The following MEGF11 variants were observed in gnomAD, a reference collection of about 807,000 sequenced individuals.
The protein encoded by MEGF11 is multiple epidermal growth factor-like domains protein 11.
Under a neutral mutation model 146.6 loss-of-function variants are expected in MEGF11, and 126 were observed. The observed-to-expected ratio is 0.86, with a 90% CI of 0.74 to 1.00. The LOEUF is 1.00. Ranked by LOEUF, MEGF11 falls within the 50% of genes least tolerant of loss-of-function variation. The pLI, the probability that MEGF11 is intolerant of heterozygous loss-of-function variation, is 0.00. For missense variants in MEGF11, 1,509 were observed against 1,521.2 expected, an observed-to-expected ratio of 0.99 and a Z score of 0.13; for synonymous variants, 532 against 583.4, an observed-to-expected ratio of 0.91 and a Z score of 1.27.
At chr15:66,128,177 C>G (rs1337538463) in intron 2 of MEGF11, 129 bp downstream of exon 2, 1 of 520,102 alleles carries the variant, frequency 1.9e-6, no homozygotes, top group East Asian at 3.4e-5. Flanking sequence ...AGCATGTGGG[C>G]CATCTCCCCA....
chr15:66,005,966 C>A (rs1317151104), intron 5 of MEGF11, among the ~76,000 whole-genome samples: 1 of 152,188 alleles, frequency 6.6e-6, no homozygotes, highest in African/African-American at 2.4e-5. Flanking sequence ...TTACTAAAAT[C>A]GATCCACCGA....
intron 8 of MEGF11, 44 bp from the exon 9 acceptor site, chr15:65,965,164 C>T (rs1278758998): frequency 6.8e-7 from 1 of 1,470,684 alleles, no homozygotes. Flanking sequence ...GCCAGGATCC[C>T]TCACCTGTGC....
intron 15 of MEGF11, among the ~76,000 whole-genome samples, chr15:65,920,138 T>C (rs1037495472): frequency 2.6e-5 from 4 of 152,244 alleles, no homozygotes; most frequent in African/African-American, 9.6e-5. Flanking sequence ...GCTTGCTGGC[T>C]AAGTGCCTTT....
intron 1 of MEGF11, among the ~76,000 whole-genome samples, chr15:66,202,884 C>T (rs543647980): frequency 5.3e-5 from 8 of 152,304 alleles, no homozygotes; most frequent in East Asian, 3.9e-4. Context: ...CAGGAAAAGA[C>T]GCCACTTATT....
At chr15:66,111,822 G>C (rs1428162138) in intron 4 of MEGF11, among the ~76,000 whole-genome samples, 1 of 152,196 alleles carries the variant, frequency 6.6e-6, no homozygotes, top group East Asian at 1.9e-4. Context: ...TTTGCACATC[G>C]TGAATATACT....
intron 1 of MEGF11, among the ~76,000 whole-genome samples, chr15:66,137,717 CT>C (rs1006746326): frequency 4.0e-5 from 6 of 149,236 alleles, no homozygotes; most frequent in East Asian, 2.0e-4. Flanking sequence ...CGACACCTGG[CT>C]TTTTTTTTTC....
chr15:66,088,949 T>C (rs1014348017), intron 5 of MEGF11, among the ~76,000 whole-genome samples: 1 of 152,232 alleles, frequency 6.6e-6, no homozygotes, highest in African/African-American at 2.4e-5. Context: ...AATGTACCAA[T>C]GTTACCAAAT....
At chr15:66,067,131 G>A (rs2085161993) in intron 5 of MEGF11, among the ~76,000 whole-genome samples, 2 of 152,196 alleles carry the variant, frequency 1.3e-5, no homozygotes, top group African/African-American at 4.8e-5. Flanking sequence ...GGTGTCTGGT[G>A]CATCACAAGT....
intron 2 of MEGF11, among the ~76,000 whole-genome samples, chr15:66,124,537 C>G (rs763087282): frequency 6.6e-6 from 1 of 152,202 alleles, no homozygotes; most frequent in East Asian, 1.9e-4. Context: ...TGTTTCAATA[C>G]GTTTCATTCC....
rs781083657 is a variant in MEGF11 at position 65,957,604 on chromosome 15, C to G, written c.1230G>C (p.Gln410His). Reference protein sequence around the residue: ...GDGCQLPCTCQNGADCHSITG... With the variant: ...GDGCQLPCTCHNGADCHSITG... Reference sequence around the variant, plus strand: ...TGATGCTGTGGCAGTCGGCGCCATTCTGACAGGTGCAAGGCAGCTGGCAGC... The same window carrying G: ...TGATGCTGTGGCAGTCGGCGCCATTGTGACAGGTGCAAGGCAGCTGGCAGC... Residue 410 changes from glutamine (Q) to histidine (H), a missense_variant, in exon 10 of 26, where the codon CAG becomes CAC. Coordinates refer to ENST00000395614, the MANE Select transcript of MEGF11 (RefSeq NM_001385028.1). 1.2e-6 allele frequency: 2 copies of G among 1,613,854 alleles called. No homozygotes were observed. The highest frequency in any genetic ancestry group is 2.7e-5 in the African/African-American group (2 of 74,938).
At chr15:66,169,776 C>T (rs541968577) in intron 1 of MEGF11, among the ~76,000 whole-genome samples, 58 of 152,310 alleles carry the variant, frequency 3.8e-4, no homozygotes, top group African/African-American at 1.1e-3. Flanking sequence ...TTGGGTGAGA[C>T]GGCCAGCGCT....
chr15:66,192,968 A>G (rs747278912), intron 1 of MEGF11, among the ~76,000 whole-genome samples: 45 of 152,256 alleles, frequency 3.0e-4, no homozygotes, highest in Non-Finnish European at 1.5e-5. Context: ...AGGCAGCACC[A>G]AGGACATTCC....
chr15:65,931,006 C>T, intron 10 of MEGF11, 63 bp from the exon 11 acceptor site: 2 of 1,457,632 alleles, frequency 1.4e-6, no homozygotes, highest in Non-Finnish European at 1.8e-6. Flanking sequence ...CTGTGGTAGG[C>T]AGGATAATGA....
chr15:66,249,797 C>A (rs901435341), intron 1 of MEGF11, among the ~76,000 whole-genome samples: 1 of 152,156 alleles, frequency 6.6e-6, no homozygotes, highest in Non-Finnish European at 1.5e-5. Context: ...TACTCCAGAC[C>A]CATTGAATCA....
rs539552982 is a variant in MEGF11, at chr15:66,248,299, T to A, written c.-9+5306A>T. Among the ~76,000 whole-genome samples the A allele has an allele frequency of 5.3e-5, 8 of 152,342 alleles. No individual in the cohort carries two copies. The South Asian group carries it at 1.7e-3, about 32-fold the overall frequency. On this transcript the variant is annotated intron_variant, in intron 1 of 25. Coordinates refer to ENST00000395614, the MANE Select transcript of MEGF11 (RefSeq NM_001385028.1). ...ATAGGGCAGACATAACCCAGACCTCTTGTTATGGGAGATACTAAATTCCTT... is the reference window on the plus strand; with the variant it reads ...ATAGGGCAGACATAACCCAGACCTCATGTTATGGGAGATACTAAATTCCTT...
intron 10 of MEGF11, among the ~76,000 whole-genome samples, chr15:65,936,309 T>C (rs1375492736): frequency 6.6e-6 from 1 of 152,208 alleles, no homozygotes; most frequent in African/African-American, 2.4e-5. Context: ...TCCTCCACCT[T>C]AGGCCTGTGA....
chr15:65,917,282 A>G (rs985107309), intron 16 of MEGF11, among the ~76,000 whole-genome samples: 2 of 152,086 alleles, frequency 1.3e-5, no homozygotes, highest in African/African-American at 4.8e-5. Context: ...TTTACCGTGT[A>G]TGTACTGTGT....
At chr15:66,207,678 T>C (rs1175490138) in intron 1 of MEGF11, among the ~76,000 whole-genome samples, 1 of 152,264 alleles carries the variant, frequency 6.6e-6, no homozygotes, top group Non-Finnish European at 1.5e-5. Context: ...ATTTTTGTTG[T>C]AACTTTTTTT....
chr15:66,219,800 G>A (rs1037852241), intron 1 of MEGF11, among the ~76,000 whole-genome samples: 2 of 152,084 alleles, frequency 1.3e-5, no homozygotes, highest in Non-Finnish European at 2.9e-5. Context: ...AAATCTATAT[G>A]AGAAAGTTTA....
Sources: gnomAD v4.1 joint callset for allele counts (sites outside exome capture counted in the v4.1 genomes callset) on GRCh38, gnomAD v4.1.1 for gene constraint, MANE v1.5 for transcripts, NCBI Gene and HGNC (gene_info 2026-07-23, HGNC 2026-07-21) for gene names.